The following CYP24A1 variants were observed in gnomAD, a reference collection of about 807,000 sequenced individuals.
CYP24A1 encodes cytochrome P450 family 24 subfamily A member 1, also known as 1,25-dihydroxyvitamin D(3) 24-hydroxylase, mitochondrial.
Under a neutral mutation model 62.4 loss-of-function variants are expected in CYP24A1, and 68 were observed. That is an observed-to-expected ratio of 1.09 (90% confidence interval 0.90 to 1.33). CYP24A1 has a LOEUF of 1.33. CYP24A1 is among the 40% of genes most tolerant of loss of function. The pLI, the probability that CYP24A1 is intolerant of heterozygous loss-of-function variation, is 0.00. For synonymous variants in CYP24A1, 267 were observed against 253.0 expected, an observed-to-expected ratio of 1.06 and a Z score of -0.52; for missense variants, 787 against 653.0, an observed-to-expected ratio of 1.21 and a Z score of -2.24.
chr20:54,158,283 C>G (rs959592111), intron 8 of CYP24A1, 119 bp from the exon 9 acceptor site: 1 of 1,538,266 alleles, frequency 6.5e-7, no homozygotes, highest in East Asian at 2.3e-5. Context: ...AAAGAGGCAG[C>G]ATGATCACAG....
chr20:54,171,425 G>A, intron 3 of CYP24A1, 152 bp downstream of exon 3: 1 of 1,474,560 alleles, frequency 6.8e-7, no homozygotes, highest in Non-Finnish European at 9.3e-7. Flanking sequence ...GGAGGAGGCT[G>A]TAGGAAGGAA....
downstream of CYP24A1, among the ~76,000 whole-genome samples, chr20:54,149,452 A>AAT (rs2092609278): frequency 6.6e-6 from 1 of 152,198 alleles, no homozygotes; most frequent in South Asian, 2.1e-4. Flanking sequence ...AGTACACAAT[A>AAT]ATATATATGG....
the CYP24A1 span, among the ~76,000 whole-genome samples, chr20:54,146,485 GA>G: frequency 6.6e-6 from 1 of 151,754 alleles, no homozygotes; most frequent in East Asian, 1.9e-4. Flanking sequence ...AATCATAACA[GA>G]AAAAAAGCAT....
chr20:54,165,355 C>T (rs2146488619), intron 5 of CYP24A1, among the ~76,000 whole-genome samples: 1 of 152,362 alleles, frequency 6.6e-6, no homozygotes, highest in Admixed American at 6.5e-5. Flanking sequence ...CTCCCATCAC[C>T]CCCAGATGGG....
At chr20:54,149,985 G>A (rs1383786698), downstream of CYP24A1, among the ~76,000 whole-genome samples, 7 of 152,234 alleles carry the variant, frequency 4.6e-5, no homozygotes, top group East Asian at 1.2e-3. Flanking sequence ...TTCCAACACC[G>A]GAAGGAATCC....
chr20:54,165,287 G>A (rs1203369965), intron 5 of CYP24A1, among the ~76,000 whole-genome samples: 3 of 152,222 alleles, frequency 2.0e-5, no homozygotes, highest in African/African-American at 4.8e-5. Context: ...TTGCCTATGC[G>A]AGGAATCTAT....
rs541280126 is a variant in CYP24A1 at position 54,169,562 on chromosome 20, T to C, written c.640+30A>G. The C allele has an allele frequency of 4.3e-6, 7 of 1,613,920 alleles. No homozygotes were observed. The African/African-American group carries it at 8.0e-5, about 18-fold the overall frequency. ...TTTATCCGCAAAATCACCTGCAAAA[T>C]CAGTGAGCAAGTCTGTGACGACAAC... On this transcript the variant is annotated intron_variant, in intron 4 of 11. Coordinates refer to ENST00000216862, the MANE Select transcript of CYP24A1 (RefSeq NM_000782.5).
At chr20:54,145,965 T>C in the CYP24A1 span, among the ~76,000 whole-genome samples, 36 of 152,198 alleles carry the variant, frequency 2.4e-4, no homozygotes, top group Admixed American at 2.6e-4. Flanking sequence ...ACTTTAGAAA[T>C]AACTGGTATT....
At chr20:54,145,698 C>T in the CYP24A1 span, among the ~76,000 whole-genome samples, 1 of 151,894 alleles carries the variant, frequency 6.6e-6, no homozygotes, top group African/African-American at 2.4e-5. Flanking sequence ...GAGGGCCTCC[C>T]CAACACAATT....
intron 5 of CYP24A1, among the ~76,000 whole-genome samples, chr20:54,165,532 G>A (rs1313612374): frequency 2.0e-5 from 3 of 152,070 alleles, no homozygotes; most frequent in Non-Finnish European, 2.9e-5. Flanking sequence ...TGTCTTCCAC[G>A]AAACTGGTCC....
Position 54,158,099 on chromosome 20 carries a change from G to T in CYP24A1, c.1223C>A (p.Ala408Asp), listed in dbSNP as rs761110945. ...AATTCTACTTACTCCTTTGGGTAAA[G>T]CATATTCACCCAGAACTGTTGCCTT... is the stretch of plus-strand genomic sequence containing the variant. ...LDKATVLGEY[A>D]LPKGTVLMLN... Residue 408 changes from alanine to aspartate, a missense_variant, in exon 9 of 12, where the codon GCT becomes GAT. Transcript: ENST00000216862. 3.5e-5 allele frequency: 57 copies of T among 1,613,770 alleles called. 1 individual carries two copies. In the South Asian group the frequency reaches 5.5e-4, roughly 16 times the overall value.
chr20:54,152,530 G>T (rs2092614209), downstream of CYP24A1, among the ~76,000 whole-genome samples: 2 of 152,234 alleles, frequency 1.3e-5, no homozygotes, highest in Admixed American at 6.5e-5. Context: ...TTTCCTTCAG[G>T]AAATGAAAGC....
intron 3 of CYP24A1, among the ~76,000 whole-genome samples, chr20:54,170,837 C>G (rs192859344): frequency 3.3e-5 from 5 of 152,218 alleles, no homozygotes; most frequent in African/African-American, 1.2e-4. Flanking sequence ...CATCTGGGGA[C>G]GCATCCAGTT....
intron 11 of CYP24A1, among the ~76,000 whole-genome samples, chr20:54,156,243 T>G (rs776867449): frequency 6.6e-6 from 1 of 152,170 alleles, no homozygotes; most frequent in African/African-American, 2.4e-5. Flanking sequence ...AACACGTGAA[T>G]ATACTACCTT....
the CYP24A1 span, among the ~76,000 whole-genome samples, chr20:54,146,839 G>C: frequency 6.6e-6 from 1 of 152,138 alleles, no homozygotes; most frequent in Admixed American, 6.5e-5. Flanking sequence ...GATGACTAAG[G>C]GTTCTGCAAA....
At chr20:54,146,324 ATCT>A in the CYP24A1 span, among the ~76,000 whole-genome samples, 1 of 152,114 alleles carries the variant, frequency 6.6e-6, no homozygotes, top group Admixed American at 6.5e-5. Flanking sequence ...ATTGATCATG[ATCT>A]TCTTTCCTGG....
chr20:54,159,243 A>C, intron 7 of CYP24A1, 120 bp from the exon 8 acceptor site: 2 of 788,282 alleles, frequency 2.5e-6, no homozygotes, highest in South Asian at 2.8e-5. Context: ...AAGCTCTTTC[A>C]CGCGTCCTTA....
rs3831062 is a variant in CYP24A1, at chr20:54,162,530, T to G, written c.990+187A>C. ...TGGCGTCTGGTATGAGGCCGTGCGC[T>G]GAGGCACCGTGGCATAGATGCTGTG... On this transcript the variant is annotated intron_variant, in intron 7 of 11. Coordinates refer to ENST00000216862, the MANE Select transcript of CYP24A1 (RefSeq NM_000782.5). 859 of 527,438 alleles carry G rather than the reference T, an allele frequency of 1.6e-3. 14 individuals are homozygous for G. In the African/African-American group the frequency reaches 0.017, roughly 10 times the overall value. 32.7% of individuals were successfully genotyped at this position (527,438 alleles called of 1,614,324 possible).
Position 54,162,857 on chromosome 20 carries a change from C to CT in CYP24A1, c.849dup (p.Ala284SerfsTer15), listed in dbSNP as rs769114522. On this transcript the variant is annotated frameshift_variant, in exon 7 of 12. Coordinates refer to ENST00000216862, the MANE Select transcript of CYP24A1 (RefSeq NM_000782.5). LOFTEE classifies it high-confidence loss of function. ...TTCTCTAACCGGTTGTCGATACAAG[C>CT]TTTGACTATTAGAGCAGAGAAGAAA... 3.2e-6 allele frequency: 5 copies of CT among 1,569,070 alleles called. No homozygotes were observed. Among genetic ancestry groups the CT allele is most frequent in the Non-Finnish European group, 4.4e-6 (5 of 1,139,394 alleles).
Sources: allele counts gnomAD v4.1 joint callset (sites outside exome capture counted in the v4.1 genomes callset), GRCh38; gene constraint gnomAD v4.1.1; transcripts MANE v1.5; gene names NCBI Gene and HGNC (gene_info 2026-07-23, HGNC 2026-07-21).